The following LCOR variants were observed in gnomAD, a reference collection of about 807,000 sequenced individuals.
LCOR encodes ligand-dependent corepressor.
In LCOR, 14 loss-of-function variants were observed where a neutral mutation model predicts 64.4. The ratio of observed to expected loss-of-function variants is 0.22; its 90% CI spans 0.14 to 0.34. The LOEUF is 0.34. Among genes scored for constraint, LCOR ranks in the 10% least tolerant of loss-of-function variants. The probability of loss-of-function intolerance (pLI) is 1.00; values close to 1 mark genes in which losing one functional copy is unlikely to be tolerated. For synonymous variants in LCOR, 643 were observed against 642.5 expected (o/e 1.00, Z -0.01); for missense variants, 1,686 against 1,765.3 (o/e 0.96, Z 0.80).
At chr10:96,898,428 A>G (rs951877307) in intron 2 of LCOR, among the ~76,000 whole-genome samples, 2 of 152,252 alleles carry the variant, frequency 1.3e-5, no homozygotes, top group African/African-American at 2.4e-5. Flanking sequence ...ATGATCATGC[A>G]TGGCATCCAG....
chr10:96,905,825 A>G (rs909311290), intron 2 of LCOR, among the ~76,000 whole-genome samples: 1 of 152,192 alleles, frequency 6.6e-6, no homozygotes, highest in African/African-American at 2.4e-5. Flanking sequence ...TCTGGAATCT[A>G]GGATATATCA....
At chr10:96,952,998 G>A (rs867115304) in intron 7 of LCOR, among the ~76,000 whole-genome samples, 5 of 152,206 alleles carry the variant, frequency 3.3e-5, no homozygotes, top group Middle Eastern at 3.4e-3. Context: ...GAGTTACTTA[G>A]ATATTAAAGG....
rs1848146732 is a variant in LCOR at position 96,986,003 on chromosome 10, A to G, written c.*869A>G. The G allele has an allele frequency of 1.8e-5, 3 of 166,992 alleles. No homozygotes were observed. 10.3% of individuals were successfully genotyped at this position (166,992 alleles called of 1,614,324 possible). ...TTTTTTTTTTCCATCTTGTAGCTGT[A>G]ATTTGATGATTAGGATGAAAATGAC... On this transcript the variant is annotated 3_prime_UTR_variant, in exon 8 of 8. Coordinates refer to ENST00000421806, the MANE Select transcript of LCOR (RefSeq NM_001346516.2).
chr10:96,845,625 G>T (rs1045893195), intron 2 of LCOR, among the ~76,000 whole-genome samples: 6 of 150,790 alleles, frequency 4.0e-5, no homozygotes, highest in African/African-American at 1.2e-4. Context: ...TCGCCACCTC[G>T]CCCGGCTAAT....
chr10:96,931,383 A>C lies in LCOR; in HGVS notation c.-183-12730A>C, dbSNP rs529312782. ...TGAGTAGCTGGGACTACAGGTGCAC[A>C]CTACCATGCCTGGGTAGTTTTTTTG... On this transcript the variant is annotated intron_variant, in intron 4 of 7. Transcript: ENST00000421806. 3.6e-4 allele frequency among the ~76,000 whole-genome samples: 55 copies of C among 152,032 alleles called. 1 individual carries two copies. The highest frequency in any genetic ancestry group is 1.2e-3 in the African/African-American group (49 of 41,480).
At chr10:96,873,617 T>TG (rs1846114348) in intron 2 of LCOR, among the ~76,000 whole-genome samples, 3 of 144,204 alleles carry the variant, frequency 2.1e-5, no homozygotes, top group Non-Finnish European at 4.5e-5. Flanking sequence ...TGTGTGTGTG[T>TG]TTTGAGACAG....
At chr10:96,841,151 A>G (rs1845532980) in intron 2 of LCOR, among the ~76,000 whole-genome samples, 1 of 152,162 alleles carries the variant, frequency 6.6e-6, no homozygotes, top group African/African-American at 2.4e-5. Context: ...CTCAGGAAAA[A>G]AGAGAAGTTC....
intron 2 of LCOR, among the ~76,000 whole-genome samples, chr10:96,842,632 C>CTTTTTTTTTTT (rs976571447): frequency 7.4e-6 from 1 of 134,382 alleles, no homozygotes. Context: ...CTTTTCTTTT[C>CTTTTTTTTTTT]TTTTTTTTTT....
chr10:96,838,294 T>G (rs1375453801), intron 2 of LCOR, among the ~76,000 whole-genome samples: 3 of 152,182 alleles, frequency 2.0e-5, no homozygotes, highest in African/African-American at 7.2e-5. Flanking sequence ...ATTTTATTTT[T>G]ATTTTTTCTC....
intron 2 of LCOR, among the ~76,000 whole-genome samples, chr10:96,854,867 C>T (rs1163959997): frequency 6.6e-6 from 1 of 152,120 alleles, no homozygotes; most frequent in East Asian, 1.9e-4. Context: ...CTTTAATTTT[C>T]TCCCTAAGTT....
At chr10:96,843,110 AGTCAATGCAAGCAT>A (rs1467856115) in intron 2 of LCOR, among the ~76,000 whole-genome samples, 3 of 152,064 alleles carry the variant, frequency 2.0e-5, no homozygotes, top group Non-Finnish European at 4.4e-5. Context: ...TCTTCCTTCC[AGTCAATGCAAGCAT>A]GTTTTGTTTG....
chr10:96,895,862 C>T (rs181873909), intron 2 of LCOR, among the ~76,000 whole-genome samples: 8 of 152,302 alleles, frequency 5.3e-5, no homozygotes, highest in Admixed American at 3.3e-4. Flanking sequence ...GCAGAAGGAT[C>T]GCTTGAGACC....
chr10:96,946,513 C>T lies in LCOR; in HGVS notation c.-51+2268C>T, dbSNP rs552651839. On this transcript the variant is annotated intron_variant, in intron 5 of 7. Transcript: ENST00000421806. ...AAAGTTAGATTTGCATTTTAAGATA[C>T]ACAGGTGGCTGTGATGTAACATGTT... Among the ~76,000 whole-genome samples, 4 of 152,152 alleles carry T rather than the reference C, an allele frequency of 2.6e-5. No individual in the cohort carries two copies. In the South Asian group the frequency reaches 8.3e-4, roughly 32 times the overall value.
chr10:96,867,246 G>A (rs562165557), intron 2 of LCOR, among the ~76,000 whole-genome samples: 16 of 152,230 alleles, frequency 1.1e-4, no homozygotes, highest in South Asian at 1.0e-3. Flanking sequence ...ACCCGTCTCC[G>A]CCTCCCAAAG....
intron 7 of LCOR, among the ~76,000 whole-genome samples, chr10:96,974,570 T>C (rs1359965750): frequency 2.6e-5 from 4 of 152,214 alleles, no homozygotes; most frequent in Non-Finnish European, 4.4e-5. Flanking sequence ...AAACAGTGCT[T>C]CCTGGACCTT....
chr10:96,927,897 A>T (rs908829428), intron 4 of LCOR, among the ~76,000 whole-genome samples: 1 of 152,246 alleles, frequency 6.6e-6, no homozygotes, highest in Non-Finnish European at 1.5e-5. Context: ...TTCCCAGTGC[A>T]TATAAAAGTT....
At chr10:96,851,159 GC>G (rs966820345) in intron 2 of LCOR, among the ~76,000 whole-genome samples, 2 of 152,186 alleles carry the variant, frequency 1.3e-5, no homozygotes, top group Non-Finnish European at 2.9e-5. Flanking sequence ...CTGTACTACT[GC>G]TCATGCTTAC....
At chr10:96,969,236 G>A (rs999668072) in intron 7 of LCOR, among the ~76,000 whole-genome samples, 3 of 152,202 alleles carry the variant, frequency 2.0e-5, no homozygotes, top group Non-Finnish European at 2.9e-5. Context: ...ACACTGGAGA[G>A]TGAGGTCGTT....
intron 2 of LCOR, among the ~76,000 whole-genome samples, chr10:96,903,565 A>G (rs1030948023): frequency 6.6e-6 from 1 of 151,388 alleles, no homozygotes; most frequent in African/African-American, 2.4e-5. Context: ...TGGTTATCTC[A>G]GAGGAGAGGT....
Sources: gnomAD v4.1 joint callset for allele counts (sites outside exome capture counted in the v4.1 genomes callset) on GRCh38, gnomAD v4.1.1 for gene constraint, MANE v1.5 for transcripts, NCBI Gene and HGNC (gene_info 2026-07-23, HGNC 2026-07-21) for gene names.